TNFRSF21: variants seen among roughly 807,000 people sequenced by gnomAD.
The protein encoded by TNFRSF21 is TNF receptor superfamily member 21, also known as tumor necrosis factor receptor superfamily member 21.
A neutral mutation model predicts 45.6 loss-of-function variants in TNFRSF21; 19 were observed. The observed-to-expected ratio is 0.42, with a 90% CI of 0.29 to 0.61. The LOEUF (loss-of-function observed/expected upper bound fraction) is 0.61, where lower values mean the gene tolerates loss of function less well. Among genes scored for constraint, TNFRSF21 ranks in the 20% least tolerant of loss-of-function variants. The pLI, the probability that TNFRSF21 is intolerant of heterozygous loss-of-function variation, is 0.23. For missense variants in TNFRSF21, 737 were observed against 851.5 expected, an observed-to-expected ratio of 0.87 and a Z score of 1.67; for synonymous variants, 314 against 335.5, an observed-to-expected ratio of 0.94 and a Z score of 0.70.
chr6:47,288,245 C>G (rs1219739839), intron 1 of TNFRSF21, among the ~76,000 whole-genome samples: 1 of 152,238 alleles, frequency 6.6e-6, no homozygotes, highest in Non-Finnish European at 1.5e-5. Flanking sequence ...CACATAGTAA[C>G]ATGGATAAAT....
At chr6:47,250,572 G>C (rs1399360558) in intron 4 of TNFRSF21, among the ~76,000 whole-genome samples, 1 of 152,104 alleles carries the variant, frequency 6.6e-6, no homozygotes, top group South Asian at 2.1e-4. Context: ...CATAACATAG[G>C]CACTTTCAGG....
At chr6:47,254,693 C>T (rs1332757166) in intron 3 of TNFRSF21, among the ~76,000 whole-genome samples, 2 of 152,196 alleles carry the variant, frequency 1.3e-5, no homozygotes, top group Admixed American at 1.3e-4. Context: ...CTAAGTTGTG[C>T]TCAAATTCAT....
rs1040799836 is a variant in TNFRSF21 at position 47,304,487 on chromosome 6, G to T, written c.96+4929C>A. 7.2e-5 allele frequency among the ~76,000 whole-genome samples: 11 copies of T among 152,216 alleles called. No homozygotes were observed. The East Asian group carries it at 2.1e-3, about 29-fold the overall frequency. On this transcript the variant is annotated intron_variant, in intron 1 of 5. Transcript: ENST00000296861. ...ACATTCTGGTCTACAATGAAGAAAGGACAAAGACCACCTGCCAGAGCCAGC... is the reference window on the plus strand; with the variant it reads ...ACATTCTGGTCTACAATGAAGAAAGTACAAAGACCACCTGCCAGAGCCAGC...
intron 4 of TNFRSF21, among the ~76,000 whole-genome samples, chr6:47,246,689 G>A (rs529668040): frequency 1.3e-5 from 2 of 152,048 alleles, no homozygotes; most frequent in Non-Finnish European, 2.9e-5. Flanking sequence ...TAAAACAGAC[G>A]TTCTTTGCAG....
At chr6:47,253,160 A>C in intron 4 of TNFRSF21, 96 bp downstream of exon 4, 3 of 1,437,344 alleles carry the variant, frequency 2.1e-6, no homozygotes, top group Non-Finnish European at 2.8e-6. Flanking sequence ...CTATCCACCG[A>C]ATATGTTATT....
chr6:47,297,618 G>A (rs1042584062), intron 1 of TNFRSF21, among the ~76,000 whole-genome samples: 10 of 151,520 alleles, frequency 6.6e-5, no homozygotes, highest in Admixed American at 3.3e-4. Flanking sequence ...TCCCTCCTGG[G>A]TTCATGCAAT....
intron 3 of TNFRSF21, 36 bp downstream of exon 3, chr6:47,283,902 A>C (rs779421890): frequency 3.2e-6 from 5 of 1,585,370 alleles, no homozygotes; most frequent in Non-Finnish European, 4.3e-6. Flanking sequence ...AGTGGTAGAG[A>C]GATCTGTGAG....
At chr6:47,304,907 T>C (rs893758113) in intron 1 of TNFRSF21, among the ~76,000 whole-genome samples, 2 of 152,210 alleles carry the variant, frequency 1.3e-5, no homozygotes, top group African/African-American at 2.4e-5. Context: ...TTGACTGTAA[T>C]GATAACTCAT....
intron 4 of TNFRSF21, among the ~76,000 whole-genome samples, chr6:47,245,679 T>TA (rs1764815020): frequency 2.6e-5 from 4 of 152,292 alleles, no homozygotes; most frequent in Admixed American, 2.6e-4. Flanking sequence ...CAGTAATACA[T>TA]AATGACAATG....
chr6:47,292,208 G>T (rs1348704385), intron 1 of TNFRSF21, among the ~76,000 whole-genome samples: 1 of 152,148 alleles, frequency 6.6e-6, no homozygotes, highest in African/African-American at 2.4e-5. Flanking sequence ...TGAATCAGGG[G>T]ACACAGTCAT....
At chr6:47,281,191 G>A (rs191486548) in intron 3 of TNFRSF21, among the ~76,000 whole-genome samples, 257 of 152,160 alleles carry the variant, frequency 1.7e-3, no homozygotes, top group Middle Eastern at 6.8e-3. Context: ...TTTCTGAAGA[G>A]AACAGTCTTA....
rs562461185 is a variant in TNFRSF21 at position 47,299,159 on chromosome 6, A to T, written c.96+10257T>A. On this transcript the variant is annotated intron_variant, in intron 1 of 5. Coordinates refer to ENST00000296861, the MANE Select transcript of TNFRSF21 (RefSeq NM_014452.5). ...ACCAACAAAATGAAAATATTTTCAG[A>T]CACAAAATATTCTCAGACACAAAGA... Among the ~76,000 whole-genome samples the T allele has an allele frequency of 7.9e-5, 12 of 152,340 alleles. No homozygotes were observed. The East Asian group carries it at 2.3e-3, about 29-fold the overall frequency.
intron 3 of TNFRSF21, among the ~76,000 whole-genome samples, chr6:47,266,987 C>T (rs1316584083): frequency 6.6e-6 from 1 of 152,138 alleles, no homozygotes; most frequent in African/African-American, 2.4e-5. Context: ...TTAGCAGGTG[C>T]TCCCCACCCT....
chr6:47,260,509 C>T (rs922200418), intron 3 of TNFRSF21, among the ~76,000 whole-genome samples: 4 of 152,198 alleles, frequency 2.6e-5, no homozygotes, highest in African/African-American at 9.6e-5. Flanking sequence ...ATTTGAAGCT[C>T]ATTTTTTAAA....
At chr6:47,286,620 A>G in intron 1 of TNFRSF21, 25 bp from the exon 2 acceptor site, 2 of 1,573,204 alleles carry the variant, frequency 1.3e-6, no homozygotes, top group Non-Finnish European at 1.7e-6. Flanking sequence ...AGGGGAGGGA[A>G]AGGAACAAAA....
At chr6:47,280,787 A>G (rs143922910) in intron 3 of TNFRSF21, among the ~76,000 whole-genome samples, 1 of 152,358 alleles carries the variant, frequency 6.6e-6, no homozygotes, top group African/African-American at 2.4e-5. Context: ...TTTACTCTAC[A>G]ACTTGCTGTG....
At chr6:47,289,287 T>C (rs1284050704) in intron 1 of TNFRSF21, among the ~76,000 whole-genome samples, 2 of 152,186 alleles carry the variant, frequency 1.3e-5, no homozygotes, top group South Asian at 4.2e-4. Context: ...TTTTAGCACC[T>C]TGACACTTAA....
intron 4 of TNFRSF21, among the ~76,000 whole-genome samples, chr6:47,238,638 TAAGGG>T (rs760822170): frequency 2.0e-5 from 3 of 152,198 alleles, no homozygotes; most frequent in Non-Finnish European, 4.4e-5. Flanking sequence ...TCCAAACTGA[TAAGGG>T]AAGAAAGATA....
intron 1 of TNFRSF21, among the ~76,000 whole-genome samples, chr6:47,290,507 T>C (rs1252078312): frequency 2.0e-5 from 3 of 151,980 alleles, no homozygotes; most frequent in Non-Finnish European, 2.9e-5. Context: ...TAGCTATACA[T>C]AAAACCCACC....
Sources: gnomAD v4.1 joint callset for allele counts (sites outside exome capture counted in the v4.1 genomes callset) on GRCh38, gnomAD v4.1.1 for gene constraint, MANE v1.5 for transcripts, NCBI Gene and HGNC (gene_info 2026-07-23, HGNC 2026-07-21) for gene names.